Variants in LONRF3 observed in about 807,000 individuals in gnomAD.
The protein encoded by LONRF3 is LON peptidase N-terminal domain and ring finger 3.
LONRF3 carries 19 observed loss-of-function variants against 51.7 expected under a neutral mutation model. The ratio of observed to expected loss-of-function variants is 0.37; its 90% CI spans 0.26 to 0.54. The LOEUF (loss-of-function observed/expected upper bound fraction) is 0.54, where lower values mean the gene tolerates loss of function less well. Among genes scored for constraint, LONRF3 ranks in the 20% least tolerant of loss-of-function variants. The pLI is 0.86. For synonymous variants in LONRF3, 265 were observed against 257.8 expected (o/e 1.03, Z -0.27); for missense variants, 521 against 623.9 (o/e 0.84, Z 1.76).
At chrX:119,007,739 T>C (rs1924831859) in intron 6 of LONRF3, among the ~76,000 whole-genome samples, 1 of 111,623 alleles carries the variant, frequency 9.0e-6, no homozygotes, top group South Asian at 3.8e-4. Flanking sequence ...GCGTTGGGAT[T>C]GGGAGGAGGG....
intron 5 of LONRF3, among the ~76,000 whole-genome samples, chrX:118,994,474 G>C (rs1206492515): frequency 9.1e-6 from 1 of 110,179 alleles, no homozygotes; most frequent in Non-Finnish European, 1.9e-5. Flanking sequence ...TGTGATCTCA[G>C]CTCACTGCAA....
chrX:119,007,731 G>A (rs1924830254), intron 6 of LONRF3, among the ~76,000 whole-genome samples: 5 of 111,700 alleles, frequency 4.5e-5, no homozygotes, highest in Admixed American at 3.8e-4. Context: ...GAGGGTATGC[G>A]TTGGGATTGG....
chrX:119,007,435 A>T (rs1388375732), intron 6 of LONRF3, among the ~76,000 whole-genome samples: 2 of 112,105 alleles, frequency 1.8e-5, no homozygotes, highest in Non-Finnish European at 3.8e-5. Flanking sequence ...CTCTAAAACT[A>T]ATCACACAAA....
chrX:119,000,599 AG>A (rs1173560824), intron 5 of LONRF3, among the ~76,000 whole-genome samples: 1 of 112,188 alleles, frequency 8.9e-6, no homozygotes, highest in Non-Finnish European at 1.9e-5. Flanking sequence ...GCTATGGAGC[AG>A]AACTTTTGGG....
chrX:118,994,967 A>T (rs1923761497), intron 5 of LONRF3, among the ~76,000 whole-genome samples: 1 of 112,465 alleles, frequency 8.9e-6, no homozygotes, highest in Admixed American at 9.4e-5. Context: ...ATGGATTTAA[A>T]TTATGCCTTG....
At position 119,018,006 on chromosome X, in the gene LONRF3, T is replaced by G. The variant is rs1313879132; in HGVS notation, c.*316T>G. ...GTTTAAAGTGGTTTTGCTTTAATAT[T>G]CTTTCTTTCATAGATCAATGACTGT... On this transcript the variant is annotated 3_prime_UTR_variant, in exon 11 of 11. Coordinates refer to ENST00000371628, the MANE Select transcript of LONRF3 (RefSeq NM_001031855.3). 1 of 155,740 alleles carries G rather than the reference T, an allele frequency of 6.4e-6. No homozygotes were observed. Among genetic ancestry groups the G allele is most frequent in the African/African-American group, 3.1e-5 (1 of 32,786 alleles). 12.8% of individuals were successfully genotyped at this position (155,740 alleles called of 1,213,427 possible). A position where few individuals can be genotyped will look rare whatever the true frequency, so the allele number is the denominator to read the frequency against.
At position 118,978,451 on chromosome X, in the gene LONRF3, G is replaced by A. The variant is rs140224937; in HGVS notation, c.924G>A (p.Pro308=). 8.1e-4 allele frequency: 959 copies of A among 1,188,276 alleles called. 2 individuals are homozygous for A. In the South Asian group the frequency reaches 0.011, roughly 14 times the overall value. ...CAGAAATAGCATGTAAGCTCCGCCCGATGGGTTTTAAGGTGAGTGTGGGAT... is the reference window on the plus strand; with the variant it reads ...CAGAAATAGCATGTAAGCTCCGCCCAATGGGTTTTAAGGTGAGTGTGGGAT... ...HDAEIACKLR[P]MGFKAHFRKA... The change falls in exon 2 of 11, where the codon CCG becomes CCA. Residue 308 remains proline (P), a synonymous_variant. Coordinates refer to ENST00000371628, the MANE Select transcript of LONRF3 (RefSeq NM_001031855.3).
intron 5 of LONRF3, among the ~76,000 whole-genome samples, chrX:119,004,997 TC>T (rs1334457052): frequency 1.8e-5 from 2 of 112,188 alleles, no homozygotes; most frequent in Non-Finnish European, 3.8e-5. Flanking sequence ...CCTGTGGACC[TC>T]AGGTTCATTC....
At chrX:118,980,681 A>T (rs1038004387) in intron 2 of LONRF3, among the ~76,000 whole-genome samples, 2 of 111,243 alleles carry the variant, frequency 1.8e-5, no homozygotes, top group Non-Finnish European at 3.8e-5. Context: ...AACCCAAAGG[A>T]GCTTTAGTGG....
chrX:119,016,593 C>T (rs758098295), intron 10 of LONRF3, among the ~76,000 whole-genome samples: 20 of 111,710 alleles, frequency 1.8e-4, no homozygotes, highest in African/African-American at 2.6e-4. Flanking sequence ...GTGATCCACC[C>T]GCTGGCCTCC....
Position 118,974,718 on chromosome X carries a change from G to A in LONRF3, c.-63G>A. The A allele has an allele frequency of 1.0e-6, 1 of 988,961 alleles. No homozygotes were observed. The highest frequency in any genetic ancestry group is 1.4e-6 in the Non-Finnish European group (1 of 735,500). The allele number at this position is 988,961 out of a possible 1,213,427, so 81.5% of individuals were successfully genotyped here. ...GTGGCTGCCCCGATTTCCTCCAGCT[G>A]CCACTCCTTGCTTCGTGTCCCCGGT... On this transcript the variant is annotated 5_prime_UTR_variant, in exon 1 of 11. Transcript: ENST00000371628.
At chrX:118,982,250 C>T (rs181813575) in intron 2 of LONRF3, among the ~76,000 whole-genome samples, 13 of 111,996 alleles carry the variant, frequency 1.2e-4, no homozygotes, top group Admixed American at 4.7e-4. Context: ...GAAGAGCATT[C>T]TGGGAGTCCT....
intron 1 of LONRF3, among the ~76,000 whole-genome samples, chrX:118,977,102 T>C (rs994263530): frequency 9.1e-6 from 1 of 110,394 alleles, no homozygotes; most frequent in African/African-American, 3.3e-5. Flanking sequence ...CAGAAAAGAC[T>C]AAACAATTTG....
chrX:118,989,448 C>T lies in LONRF3; in HGVS notation c.1100C>T (p.Ala367Val). Reference sequence around the variant, plus strand: ...CCACATTGTTCTAGTCAGGAGGAAGCAGCAGCCAGGGGAGATGGCAGCAGT... The same window carrying T: ...CCACATTGTTCTAGTCAGGAGGAAGTAGCAGCCAGGGGAGATGGCAGCAGT... ...ELPHCSSQEE[A>V]AARGDGSSLM... The change falls in exon 4 of 11, where the codon GCA (alanine) becomes GTA (valine). Residue 367 changes from alanine to valine, a missense_variant. Coordinates refer to ENST00000371628, the MANE Select transcript of LONRF3 (RefSeq NM_001031855.3). The T allele has an allele frequency of 8.3e-7, 1 of 1,211,056 alleles. No individual in the cohort carries two copies. The highest frequency in any genetic ancestry group is 1.1e-6 in the Non-Finnish European group (1 of 895,151).
chrX:119,014,576 G>C (rs951287989), intron 10 of LONRF3, among the ~76,000 whole-genome samples: 1 of 111,582 alleles, frequency 9.0e-6, no homozygotes, highest in Non-Finnish European at 1.9e-5. Context: ...TAGGAACTTG[G>C]ATCCAAGGCA....
intron 3 of LONRF3, among the ~76,000 whole-genome samples, chrX:118,985,978 G>A (rs1603248181): frequency 1.8e-5 from 2 of 110,192 alleles, no homozygotes; most frequent in Non-Finnish European, 3.8e-5. Flanking sequence ...GAGCTGCTGG[G>A]TGGTAAGCAC....
chrX:118,980,334 T>G (rs1231266984), intron 2 of LONRF3, among the ~76,000 whole-genome samples: 2 of 112,358 alleles, frequency 1.8e-5, no homozygotes, highest in African/African-American at 3.2e-5. Context: ...ATTCAGCAGA[T>G]TCCATGAAAA....
chrX:119,012,406 T>C (rs1172701324), intron 8 of LONRF3, among the ~76,000 whole-genome samples: 2 of 111,123 alleles, frequency 1.8e-5, no homozygotes, highest in Non-Finnish European at 3.8e-5. Flanking sequence ...CATAAAATGC[T>C]GAGCACAGTT....
chrX:118,995,172 C>T (rs763561023), intron 5 of LONRF3, among the ~76,000 whole-genome samples: 4 of 112,198 alleles, frequency 3.6e-5, no homozygotes, highest in Non-Finnish European at 3.8e-5. Flanking sequence ...AACTGGAAAT[C>T]AACTGTAAAA....
Sources: allele counts gnomAD v4.1 joint callset (sites outside exome capture counted in the v4.1 genomes callset), GRCh38; gene constraint gnomAD v4.1.1; transcripts MANE v1.5; gene names NCBI Gene and HGNC (gene_info 2026-07-23, HGNC 2026-07-21).